CSMD1: variants seen among roughly 807,000 people sequenced by gnomAD.
The protein encoded by CSMD1 is CUB and sushi domain-containing protein 1.
CSMD1 carries 213 observed loss-of-function variants against 417.5 expected under a neutral mutation model. That is an observed-to-expected ratio of 0.51 (90% CI 0.46 to 0.57). The LOEUF is 0.57. Among genes scored for constraint, CSMD1 ranks in the 20% least tolerant of loss-of-function variants. The pLI, the probability that CSMD1 is intolerant of heterozygous loss-of-function variation, is 0.00. For missense variants in CSMD1, 6,923 were observed against 4,529.7 expected (o/e 1.53, Z -15.17); for synonymous variants, 2,862 against 1,736.8 (o/e 1.65, Z -16.11).
chr8:4,289,398 A>T (rs914888536), intron 3 of CSMD1, among the ~76,000 whole-genome samples: 1 of 61,240 alleles, frequency 1.6e-5, no homozygotes, highest in South Asian at 1.4e-3. Context: ...TAGTTAAAGT[A>T]GAGGGAGCCA....
intron 1 of CSMD1, among the ~76,000 whole-genome samples, chr8:4,899,366 A>G (rs1220782262): frequency 1.3e-5 from 2 of 152,242 alleles, no homozygotes; most frequent in Non-Finnish European, 2.9e-5. Flanking sequence ...CTCAAAATAA[A>G]GATGAAATAT....
At chr8:3,794,711 G>A (rs1422003901) in intron 5 of CSMD1, among the ~76,000 whole-genome samples, 1 of 152,008 alleles carries the variant, frequency 6.6e-6, no homozygotes, top group African/African-American at 2.4e-5. Flanking sequence ...TGTAAACCTA[G>A]CAAAACTCCT....
intron 5 of CSMD1, among the ~76,000 whole-genome samples, chr8:3,879,862 T>C (rs533703065): frequency 6.6e-6 from 1 of 152,022 alleles, no homozygotes; most frequent in East Asian, 1.9e-4. Flanking sequence ...TGTTGCGTTT[T>C]AGTCTTCTTC....
At position 3,979,123 on chromosome 8, in the gene CSMD1, G is replaced by A. The variant is rs571804333; in HGVS notation, c.818+18780C>T. Among the ~76,000 whole-genome samples the A allele has an allele frequency of 3.3e-5, 5 of 152,328 alleles. No individual in the cohort carries two copies. In the South Asian group the frequency reaches 1.0e-3, roughly 32 times the overall value. ...TGCATTTAGAGAGCTCTACTTCACA[G>A]TGAAACATGGGGCCTCAGGCCCTGA... On this transcript the variant is annotated intron_variant, in intron 5 of 69. Transcript: ENST00000635120.
chr8:4,609,049 G>A (rs570946891), intron 2 of CSMD1, among the ~76,000 whole-genome samples: 3 of 152,016 alleles, frequency 2.0e-5, no homozygotes, highest in African/African-American at 7.2e-5. Context: ...GAGGAGTTGG[G>A]CTGAAACTTG....
At chr8:4,388,363 C>T (rs1302996672) in intron 3 of CSMD1, among the ~76,000 whole-genome samples, 1 of 150,230 alleles carries the variant, frequency 6.7e-6, no homozygotes, top group East Asian at 2.0e-4. Context: ...TGATGGACTG[C>T]TACTCAGCCA....
intron 15 of CSMD1, among the ~76,000 whole-genome samples, chr8:3,401,867 T>G (rs75590572): frequency 7.2e-5 from 11 of 151,822 alleles, no homozygotes; most frequent in African/African-American, 2.7e-4. Context: ...ATGAACATCA[T>G]CAATCATGTT....
At chr8:3,764,151 C>A (rs1215358724) in intron 5 of CSMD1, among the ~76,000 whole-genome samples, 1 of 152,178 alleles carries the variant, frequency 6.6e-6, no homozygotes, top group African/African-American at 2.4e-5. Flanking sequence ...ACAGCACTCT[C>A]TCACTCCAGG....
intron 3 of CSMD1, among the ~76,000 whole-genome samples, chr8:4,312,063 G>T (rs752344414): frequency 6.6e-6 from 1 of 152,030 alleles, no homozygotes; most frequent in Admixed American, 6.6e-5. Context: ...AGCTAGTAAA[G>T]AAATACGTAG....
rs78843255 is a variant in CSMD1, at chr8:3,689,796, G to A, written c.1009+18618C>T. ...ATAAAGTGATTTTCACAAAGTTACA[G>A]TCTATTCATTGGAGACACCATGATT... On this transcript the variant is annotated intron_variant, in intron 7 of 69. Transcript: ENST00000635120. Among the ~76,000 whole-genome samples the A allele has an allele frequency of 6.0e-3, 910 of 152,286 alleles. 12 individuals are homozygous for A. Among genetic ancestry groups the A allele is most frequent in the African/African-American group, 0.021 (864 of 41,570 alleles).
intron 2 of CSMD1, among the ~76,000 whole-genome samples, chr8:4,631,929 C>A (rs1359951961): frequency 6.6e-6 from 1 of 152,120 alleles, no homozygotes; most frequent in East Asian, 1.9e-4. Context: ...GGTAAAATCT[C>A]CCTTCATAGA....
intron 3 of CSMD1, among the ~76,000 whole-genome samples, chr8:4,231,977 G>A (rs1163400877): frequency 2.0e-5 from 3 of 151,978 alleles, no homozygotes; most frequent in Non-Finnish European, 4.4e-5. Context: ...TTTGCAAAAG[G>A]CTAATCATTT....
chr8:4,340,556 G>C (rs1404318713), intron 3 of CSMD1, among the ~76,000 whole-genome samples: 3 of 152,084 alleles, frequency 2.0e-5, no homozygotes, highest in African/African-American at 7.2e-5. Context: ...GATTGTCCAA[G>C]GGCAATTCAG....
chr8:4,674,452 C>A (rs897996120), intron 1 of CSMD1, among the ~76,000 whole-genome samples: 1 of 152,034 alleles, frequency 6.6e-6, no homozygotes, highest in Non-Finnish European at 1.5e-5. Context: ...GTCTCAAACA[C>A]CTGGCAGAGG....
chr8:4,010,927 C>A lies in CSMD1; in HGVS notation c.611-12817G>T, dbSNP rs553828169. ...CTAACTTTACATATATGGCCATAAT[C>A]CTACATTGGCCCATAATGATGCCCA... On this transcript the variant is annotated intron_variant, in intron 4 of 69. Transcript: ENST00000635120. 3.2e-3 allele frequency among the ~76,000 whole-genome samples: 487 copies of A among 152,230 alleles called. 1 individual carries two copies. Among genetic ancestry groups the A allele is most frequent in the Admixed American group, 4.7e-3 (72 of 15,296 alleles).
chr8:3,499,792 G>A (rs1182909988), intron 10 of CSMD1, among the ~76,000 whole-genome samples: 2 of 152,044 alleles, frequency 1.3e-5, no homozygotes, highest in Admixed American at 6.6e-5. Flanking sequence ...TGGGATGATG[G>A]CTGCGTTCTC....
chr8:3,052,555 C>G lies in CSMD1; in HGVS notation c.7567G>C (p.Glu2523Gln), dbSNP rs1376810176. ...TGGCTGGATTCAAGCTTGAAGCCCT[C>G]ATGACATTCATAGACCACTTTACTG... ...LDSKVVYECH[E>Q]GFKLESSQQA... Residue 2523 changes from glutamate (E) to glutamine (Q), a missense_variant, in exon 50 of 70, where the codon GAG (glutamate) becomes CAG (glutamine). By Grantham distance (29) the Glu-to-Gln change is conservative. Coordinates refer to ENST00000635120, the MANE Select transcript of CSMD1 (RefSeq NM_033225.6). 1.9e-6 allele frequency: 3 copies of G among 1,609,700 alleles called. No individual in the cohort carries two copies. In the Admixed American group the frequency reaches 5.0e-5, roughly 27 times the overall value.
chr8:3,076,385 T>G (rs1227423463), intron 49 of CSMD1, among the ~76,000 whole-genome samples: 1 of 152,192 alleles, frequency 6.6e-6, no homozygotes, highest in African/African-American at 2.4e-5. Flanking sequence ...ATCACCTCTG[T>G]AAAGAAAGAC....
intron 26 of CSMD1, among the ~76,000 whole-genome samples, chr8:3,256,216 A>C (rs1306796924): frequency 6.6e-6 from 1 of 150,782 alleles, no homozygotes; most frequent in African/African-American, 2.4e-5. Flanking sequence ...AATCCCAACT[A>C]CTCAGGGGGC....
Sources: allele counts gnomAD v4.1 joint callset (sites outside exome capture counted in the v4.1 genomes callset), GRCh38; gene constraint gnomAD v4.1.1; transcripts MANE v1.5; gene names NCBI Gene and HGNC (gene_info 2026-07-23, HGNC 2026-07-21).